Variants in HIVEP3 observed in about 807,000 individuals in gnomAD.
The protein encoded by HIVEP3 is transcription factor HIVEP3.
Under a neutral mutation model 152.8 loss-of-function variants are expected in HIVEP3, and 49 were observed. The observed-to-expected ratio is 0.32, with a 90% CI of 0.26 to 0.41. The LOEUF (loss-of-function observed/expected upper bound fraction) is 0.41, where lower values mean the gene tolerates loss of function less well. Ranked by LOEUF, HIVEP3 falls within the 10% of genes least tolerant of loss-of-function variation. The probability of loss-of-function intolerance (pLI) is 1.00; values close to 1 mark genes in which losing one functional copy is unlikely to be tolerated. For missense variants in HIVEP3, 2,790 were observed against 3,103.3 expected, an observed-to-expected ratio of 0.90 and a Z score of 2.40; for synonymous variants, 1,269 against 1,289.0, an observed-to-expected ratio of 0.98 and a Z score of 0.33.
intron 3 of HIVEP3, among the ~76,000 whole-genome samples, chr1:41,600,327 GATGAATGA>G (rs1446991268): frequency 2.6e-5 from 4 of 152,214 alleles, no homozygotes; most frequent in Admixed American, 2.6e-4. Flanking sequence ...AATGTCCATT[GATGAATGA>G]ATGGATAAAA....
chr1:41,636,944 A>G (rs979428950), intron 2 of HIVEP3, among the ~76,000 whole-genome samples: 5 of 134,870 alleles, frequency 3.7e-5, no homozygotes, highest in Admixed American at 1.6e-4. Flanking sequence ...GGGCAACAAG[A>G]GCGAAACTCC....
At chr1:41,633,786 T>G (rs999347272) in intron 2 of HIVEP3, among the ~76,000 whole-genome samples, 1 of 152,116 alleles carries the variant, frequency 6.6e-6, no homozygotes, top group African/African-American at 2.4e-5. Flanking sequence ...AGAGAACTGC[T>G]AGGCTTCAGA....
At chr1:41,647,722 GTCTCC>G (rs1429192732) in intron 2 of HIVEP3, among the ~76,000 whole-genome samples, 8 of 152,348 alleles carry the variant, frequency 5.3e-5, no homozygotes, top group African/African-American at 1.9e-4. Flanking sequence ...TGAGCTTGGA[GTCTCC>G]TCTCCTCAGC....
At chr1:41,545,032 CCACCAA>C (rs1643699539) in intron 5 of HIVEP3, among the ~76,000 whole-genome samples, 4 of 105,054 alleles carry the variant, frequency 3.8e-5, no homozygotes, top group African/African-American at 1.3e-4. Context: ...ACCACCACCA[CCACCAA>C]TACCACTACC....
intron 1 of HIVEP3, among the ~76,000 whole-genome samples, chr1:41,845,415 ACACG>A (rs753599195): frequency 1.5e-3 from 134 of 92,252 alleles, no homozygotes; most frequent in African/African-American, 3.2e-3. Context: ...ACACACACAC[ACACG>A]CACACACACA....
intron 1 of HIVEP3, among the ~76,000 whole-genome samples, chr1:41,818,165 T>A (rs1247675600): frequency 1.3e-5 from 2 of 152,218 alleles, no homozygotes; most frequent in Non-Finnish European, 1.5e-5. Context: ...GCAAAGCATA[T>A]GAATAGGCAA....
At chr1:41,600,925 A>G (rs948802083) in intron 3 of HIVEP3, among the ~76,000 whole-genome samples, 1 of 152,092 alleles carries the variant, frequency 6.6e-6, no homozygotes, top group African/African-American at 2.4e-5. Flanking sequence ...ATTTTTATGT[A>G]TGGTTAATTT....
At chr1:41,551,915 T>C (rs928091918) in intron 5 of HIVEP3, among the ~76,000 whole-genome samples, 18 of 152,226 alleles carry the variant, frequency 1.2e-4, no homozygotes, top group Non-Finnish European at 2.6e-4. Flanking sequence ...ATTTCTTGCC[T>C]TCTGCTAGCT....
At chr1:41,765,185 C>T (rs1647933931) in intron 1 of HIVEP3, among the ~76,000 whole-genome samples, 1 of 152,164 alleles carries the variant, frequency 6.6e-6, no homozygotes, top group Admixed American at 6.5e-5. Context: ...TGTACTTTGG[C>T]TTATTTTAAT....
intron 2 of HIVEP3, among the ~76,000 whole-genome samples, chr1:41,646,507 T>C (rs1364103550): frequency 6.6e-6 from 1 of 152,218 alleles, no homozygotes; most frequent in Non-Finnish European, 1.5e-5. Flanking sequence ...GTGGCATTCC[T>C]GGCAGAAGAG....
intron 1 of HIVEP3, among the ~76,000 whole-genome samples, chr1:41,782,515 C>T (rs896808852): frequency 2.0e-5 from 3 of 152,024 alleles, no homozygotes; most frequent in East Asian, 1.9e-4. Flanking sequence ...GGGTGGATCA[C>T]GAGGTCAGGA....
chr1:41,880,127 A>G (rs1570726165), intron 1 of HIVEP3, among the ~76,000 whole-genome samples: 1 of 152,190 alleles, frequency 6.6e-6, no homozygotes, highest in East Asian at 1.9e-4. Context: ...TGGCGTGATC[A>G]TAGCCCACTG....
intron 1 of HIVEP3, among the ~76,000 whole-genome samples, chr1:42,014,398 G>A (rs1645510277): frequency 1.3e-5 from 2 of 152,096 alleles, no homozygotes; most frequent in African/African-American, 4.8e-5. Context: ...CAAAGCACAA[G>A]CAGGAGGTGG....
chr1:41,772,811 G>A (rs1446496091), intron 1 of HIVEP3, among the ~76,000 whole-genome samples: 1 of 152,198 alleles, frequency 6.6e-6, no homozygotes, highest in East Asian at 1.9e-4. Flanking sequence ...TCAGGAGGCT[G>A]AGGTAGGAGA....
chr1:41,903,059 T>C (rs946565024), intron 1 of HIVEP3, among the ~76,000 whole-genome samples: 3 of 152,244 alleles, frequency 2.0e-5, no homozygotes, highest in South Asian at 2.1e-4. Flanking sequence ...ATCACAGTAC[T>C]GTGATATTGT....
intron 1 of HIVEP3, among the ~76,000 whole-genome samples, chr1:41,994,436 G>T (rs1327710971): frequency 6.6e-6 from 1 of 152,136 alleles, no homozygotes. Context: ...CCCAATGTTG[G>T]GAAAGGGACC....
chr1:41,961,522 C>T (rs1469891603), intron 1 of HIVEP3, among the ~76,000 whole-genome samples: 2 of 152,222 alleles, frequency 1.3e-5, no homozygotes, highest in East Asian at 1.9e-4. Context: ...GACACTGGTA[C>T]AAGAAAATTG....
At chr1:41,715,758 T>C (rs1553252314) in intron 1 of HIVEP3, among the ~76,000 whole-genome samples, 1 of 152,218 alleles carries the variant, frequency 6.6e-6, no homozygotes, top group Non-Finnish European at 1.5e-5. Flanking sequence ...CTTAGGACTA[T>C]GGTTGGGCCT....
intron 5 of HIVEP3, among the ~76,000 whole-genome samples, chr1:41,541,377 T>C (rs2492070): frequency 0.99 from 150,847 of 152,314 alleles, 74,710 homozygotes; most frequent in East Asian, 1. Flanking sequence ...CTGTTGTGAG[T>C]CCTTTTGTGG....
Sources: allele counts gnomAD v4.1 joint callset (sites outside exome capture counted in the v4.1 genomes callset), GRCh38; gene constraint gnomAD v4.1.1; transcripts MANE v1.5; gene names NCBI Gene and HGNC (gene_info 2026-07-23, HGNC 2026-07-21).